MTUS1: variants seen among roughly 807,000 people sequenced by gnomAD.
MTUS1 encodes microtubule-associated tumor suppressor 1.
In MTUS1, 109 loss-of-function variants were observed where a neutral mutation model predicts 120.8. The observed-to-expected ratio is 0.90, with a 90% CI of 0.77 to 1.06. The LOEUF (loss-of-function observed/expected upper bound fraction) is 1.06. Among genes scored for constraint, MTUS1 ranks in the 50% least tolerant of loss-of-function variants. MTUS1 has a pLI of 0.00. For missense variants in MTUS1, 2,210 were observed against 1,486.3 expected (o/e 1.49, Z -8.01); for synonymous variants, 737 against 550.5 (o/e 1.34, Z -4.74).
At chr8:17,699,773 A>C (rs996399061) in intron 6 of MTUS1, among the ~76,000 whole-genome samples, 1 of 152,222 alleles carries the variant, frequency 6.6e-6, no homozygotes, top group Admixed American at 6.5e-5. Context: ...AAAGCAAGGG[A>C]GCTGCCTTGG....
At chr8:17,730,602 A>T (rs1007950008) in intron 3 of MTUS1, among the ~76,000 whole-genome samples, 2 of 152,176 alleles carry the variant, frequency 1.3e-5, no homozygotes, top group Non-Finnish European at 2.9e-5. Context: ...TCACAGGCAG[A>T]TGAACGAATA....
intron 8 of MTUS1, chr8:17,674,660 T>C (rs1434321130): frequency 2.0e-5 from 20 of 987,026 alleles, no homozygotes; most frequent in Non-Finnish European, 2.4e-5. Flanking sequence ...GGGCTCCCTG[T>C]GGAGCGGGGA....
intron 6 of MTUS1, chr8:17,697,550 G>C (rs1318258939): frequency 7.2e-7 from 1 of 1,383,058 alleles, no homozygotes; most frequent in East Asian, 2.6e-5. Context: ...ATCCCCCAGG[G>C]CTGGCCAAGT....
intron 1 of MTUS1, among the ~76,000 whole-genome samples, chr8:17,795,766 C>T (rs774993467): frequency 3.4e-5 from 5 of 148,650 alleles, no homozygotes; most frequent in Admixed American, 6.7e-5. Flanking sequence ...CAGCCTCCCA[C>T]GTAGCGGGGA....
chr8:17,800,467 T>C (rs1032702869), intron 1 of MTUS1: 1 of 152,118 alleles, frequency 6.6e-6, no homozygotes, highest in Admixed American at 6.5e-5. Flanking sequence ...TCCTTCCTAG[T>C]CCCAAATTAC....
chr8:17,782,393 C>A (rs556195144), intron 1 of MTUS1, among the ~76,000 whole-genome samples: 19 of 152,298 alleles, frequency 1.2e-4, no homozygotes, highest in Admixed American at 6.5e-5. Flanking sequence ...ATACTATACA[C>A]CTGATCCTAA....
At chr8:17,738,115 C>G (rs1341471151) in intron 3 of MTUS1, among the ~76,000 whole-genome samples, 1 of 152,196 alleles carries the variant, frequency 6.6e-6, no homozygotes, top group East Asian at 1.9e-4. Flanking sequence ...CCACAATAAA[C>G]TCAACTGAAA....
intron 3 of MTUS1, among the ~76,000 whole-genome samples, chr8:17,736,805 G>A (rs112769340): frequency 7.4e-4 from 113 of 152,140 alleles, no homozygotes; most frequent in African/African-American, 2.6e-3. Flanking sequence ...GGCTGGTCTC[G>A]AACTTCTGAC....
In MTUS1 at chr8:17,767,707, A is replaced by AAAAAACAAAACAAAAC. The variant is rs762249959; in HGVS notation, c.-154-11747_-154-11746insGTTTTGTTTTGTTTTT. Among the ~76,000 whole-genome samples the AAAAAACAAAACAAAAC allele has an allele frequency of 3.7e-4, 53 of 144,528 alleles. 2 individuals are homozygous for AAAAAACAAAACAAAAC. The highest frequency in any genetic ancestry group is 1.4e-3 in the African/African-American group (52 of 38,014). 94.8% of individuals were successfully genotyped at this position (144,528 alleles called of 152,430 possible). On this transcript the variant is annotated intron_variant, in intron 1 of 14. Coordinates refer to ENST00000693296, the MANE Select transcript of MTUS1 (RefSeq NM_001363059.2). ...GAGCAAGACCCTGTCTCTTAAAAAAAAAAAAAAAAAACGGTGTGAAAGAGA... is the reference window on the plus strand; with the variant it reads ...GAGCAAGACCCTGTCTCTTAAAAAAAAAAAACAAAACAAAACAAAAAAAAAAACGGTGTGAAAGAGA...
At chr8:17,676,245 C>A (rs910902816) in intron 7 of MTUS1, 1 of 702,946 alleles carries the variant, frequency 1.4e-6, no homozygotes, top group Admixed American at 2.0e-5. Context: ...GACATTCTTC[C>A]AGAAAAGCAC....
At chr8:17,733,404 C>G (rs2046725665) in intron 3 of MTUS1, among the ~76,000 whole-genome samples, 1 of 150,228 alleles carries the variant, frequency 6.7e-6, no homozygotes, top group Non-Finnish European at 1.5e-5. Context: ...TATACATAAA[C>G]ATATGTGCAT....
chr8:17,735,573 A>C (rs990438751), intron 3 of MTUS1, among the ~76,000 whole-genome samples: 1 of 152,160 alleles, frequency 6.6e-6, no homozygotes, highest in Admixed American at 6.5e-5. Context: ...TCCTTTGACA[A>C]GGCCACATCT....
chr8:17,748,064 T>C (rs1410791675), intron 2 of MTUS1: 1 of 152,112 alleles, frequency 6.6e-6, no homozygotes, highest in Admixed American at 6.6e-5. Context: ...AATACAAGAT[T>C]TGGGTGGGGA....
intron 2 of MTUS1, 112 bp downstream of exon 2, chr8:17,753,605 C>G (rs1379141813): frequency 4.3e-6 from 3 of 700,222 alleles, no homozygotes; most frequent in Non-Finnish European, 6.8e-6. Flanking sequence ...AAATGTAAAT[C>G]TGCCCACCTG....
rs1353368259 is a variant in MTUS1, at chr8:17,743,670, C to T, written c.2221G>A (p.Asp741Asn). 13 of 1,614,014 alleles carry T rather than the reference C, an allele frequency of 8.1e-6. No homozygotes were observed. Among genetic ancestry groups the T allele is most frequent in the Non-Finnish European group, 1.1e-5 (13 of 1,180,040 alleles). ...PPVSCLRRNS[D>N]NRNPSADRAV... Reference sequence around the variant, plus strand: ...CGATCAGCACTGGGATTTCTATTGTCACTGTTCCGCCTCAAACAGGAAACA... The same window carrying T: ...CGATCAGCACTGGGATTTCTATTGTTACTGTTCCGCCTCAAACAGGAAACA... Residue 741 changes from aspartate to asparagine, a missense_variant, in exon 3 of 15, where the codon GAC (aspartate) becomes AAC (asparagine). By Grantham distance (23) the Asp-to-Asn change is conservative. Transcript: ENST00000693296.
intron 4 of MTUS1, chr8:17,722,598 G>C: frequency 1.1e-5 from 11 of 984,694 alleles, no homozygotes; most frequent in Non-Finnish European, 1.3e-5. Flanking sequence ...CTGCTGCTAG[G>C]TGACCCGTCG....
rs191855414 is a variant in MTUS1, at chr8:17,738,166, G to C, written c.2287+5438C>G. On this transcript the variant is annotated intron_variant, in intron 3 of 14. Transcript: ENST00000693296. Reference sequence around the variant, plus strand: ...TTGAAATGTGGTTTCTCTTTCTCTAGAAGAAAACCAAAAACCATCTCTTTC... The same window carrying C: ...TTGAAATGTGGTTTCTCTTTCTCTACAAGAAAACCAAAAACCATCTCTTTC... 1.5e-4 allele frequency among the ~76,000 whole-genome samples: 23 copies of C among 152,220 alleles called. 2 individuals carry two copies. Among genetic ancestry groups the C allele is most frequent in the African/African-American group, 4.8e-4 (20 of 41,544 alleles).
intron 1 of MTUS1, among the ~76,000 whole-genome samples, chr8:17,762,799 G>GATTCAGTTGGTCA (rs1217172962): frequency 6.6e-6 from 1 of 152,112 alleles, no homozygotes; most frequent in Non-Finnish European, 1.5e-5. Context: ...TTGGTCAACT[G>GATTCAGTTGGTCA]ACTGATTCAG....
At chr8:17,753,512 G>T (rs1471168926) in intron 2 of MTUS1, among the ~76,000 whole-genome samples, 1 of 152,110 alleles carries the variant, frequency 6.6e-6, no homozygotes, top group Non-Finnish European at 1.5e-5. Flanking sequence ...TACTGAAATT[G>T]AGGATTTTTT....
Sources: gnomAD v4.1 joint callset for allele counts (sites outside exome capture counted in the v4.1 genomes callset) on GRCh38, gnomAD v4.1.1 for gene constraint, MANE v1.5 for transcripts, NCBI Gene and HGNC (gene_info 2026-07-23, HGNC 2026-07-21) for gene names.